The following SPEF2 variants were observed in gnomAD, a reference collection of about 807,000 sequenced individuals.
SPEF2 encodes the protein sperm flagella and cilia-associated protein 2.
A neutral mutation model predicts 224.6 loss-of-function variants in SPEF2; 187 were observed. The observed-to-expected ratio is 0.83, with a 90% CI of 0.74 to 0.94. The LOEUF (loss-of-function observed/expected upper bound fraction) is 0.94. SPEF2 is among the 40% of genes least tolerant of loss of function. SPEF2 has a pLI of 0.00. For missense variants in SPEF2, 2,170 were observed against 2,135.6 expected (o/e 1.02, Z -0.32); for synonymous variants, 715 against 707.3 (o/e 1.01, Z -0.17).
intron 21 of SPEF2, among the ~76,000 whole-genome samples, chr5:35,730,570 A>G (rs558361177): frequency 5.0e-4 from 76 of 152,374 alleles, no homozygotes; most frequent in African/African-American, 1.8e-3. Context: ...CTTTTGATCA[A>G]TTCTCTACTG....
chr5:35,758,548 G>A (rs940175271), intron 24 of SPEF2, among the ~76,000 whole-genome samples: 1 of 152,146 alleles, frequency 6.6e-6, no homozygotes, highest in Non-Finnish European at 1.5e-5. Context: ...GGGAATGACC[G>A]ATGCTCATCT....
At position 35,659,113 on chromosome 5, in the gene SPEF2, A is replaced by T. The variant is rs780486254; in HGVS notation, c.1073A>T (p.Glu358Val). 6.2e-7 allele frequency: 1 copy of T among 1,613,242 alleles called. No individual in the cohort carries two copies. Among genetic ancestry groups the T allele is most frequent in the South Asian group, 1.1e-5 (1 of 90,994 alleles). ...GTGCAGCTCATGCATGTTCGGCATG[A>T]AAAGGAAGTTTTATGGCAAAACAGA... Reference protein sequence around the residue: ...IAVQLMHVRHEKEVLWQNRIF... With the variant: ...IAVQLMHVRHVKEVLWQNRIF... Residue 358 changes from glutamate to valine, a missense_variant, in exon 8 of 37, where the codon GAA becomes GTA. By Grantham distance (121) the Glu-to-Val change is moderately radical (BLOSUM62 -2). Transcript: ENST00000356031.
In SPEF2 at chr5:35,775,305, A is replaced by C. The variant is rs78272921; in HGVS notation, c.4079-952A>C. Among the ~76,000 whole-genome samples the C allele has an allele frequency of 4.9e-3, 751 of 152,214 alleles. 3 individuals carry two copies. Among genetic ancestry groups the C allele is most frequent in the African/African-American group, 0.017 (723 of 41,546 alleles). ...GGTGGGCATATTGGGCAAAGGGGAC[A>C]TGAGGGGAGTTCCTGACTTACCAAC... On this transcript the variant is annotated intron_variant, in intron 28 of 36. Transcript: ENST00000356031.
chr5:35,776,510 C>A (rs922138486), intron 29 of SPEF2, 115 bp downstream of exon 29: 2 of 1,215,572 alleles, frequency 1.6e-6, no homozygotes, highest in African/African-American at 3.1e-5. Context: ...AAATTTTGGC[C>A]TTTTAGGAAA....
At chr5:35,799,156 C>T (rs1757078291) in intron 33 of SPEF2, among the ~76,000 whole-genome samples, 1 of 152,190 alleles carries the variant, frequency 6.6e-6, no homozygotes, top group South Asian at 2.1e-4. Flanking sequence ...GCACCATATA[C>T]TTAACCAGAA....
intron 36 of SPEF2, among the ~76,000 whole-genome samples, chr5:35,809,749 A>C (rs1758420620): frequency 6.6e-6 from 1 of 152,136 alleles, no homozygotes; most frequent in South Asian, 2.1e-4. Flanking sequence ...TATGATGTTA[A>C]TTTCTTCATC....
At chr5:35,624,103 G>T (rs747876291) in intron 1 of SPEF2, among the ~76,000 whole-genome samples, 4 of 152,164 alleles carry the variant, frequency 2.6e-5, no homozygotes, top group Admixed American at 6.5e-5. Flanking sequence ...GCTTCCTCCA[G>T]CTGGCTAAGG....
At chr5:35,667,015 C>T in intron 8 of SPEF2, 57 bp from the exon 9 acceptor site, 3 of 1,468,062 alleles carry the variant, frequency 2.0e-6, no homozygotes, top group Non-Finnish European at 2.7e-6. Context: ...GAAATGATGA[C>T]ATTATTTTTA....
intron 10 of SPEF2, among the ~76,000 whole-genome samples, chr5:35,678,293 T>C (rs574858630): frequency 6.6e-6 from 1 of 152,324 alleles, no homozygotes; most frequent in South Asian, 2.1e-4. Context: ...TTAACCATGA[T>C]ATAGTTCCAT....
chr5:35,662,759 G>C (rs1395692699), intron 8 of SPEF2, among the ~76,000 whole-genome samples: 1 of 151,982 alleles, frequency 6.6e-6, no homozygotes, highest in Non-Finnish European at 1.5e-5. Flanking sequence ...CTTATTTCTG[G>C]GTTCTCTATT....
chr5:35,671,050 G>T, intron 10 of SPEF2: 3 of 985,240 alleles, frequency 3.0e-6, no homozygotes, highest in Non-Finnish European at 3.6e-6. Flanking sequence ...ATTTTGAGTG[G>T]ATCAACAGCA....
At chr5:35,797,539 G>A (rs79142247) in intron 33 of SPEF2, among the ~76,000 whole-genome samples, 9,389 of 152,054 alleles carry the variant, frequency 0.062, 315 homozygotes, top group East Asian at 0.12. Flanking sequence ...ACCTCTCTGC[G>A]CCTTGCTTTC....
At chr5:35,807,590 T>G in intron 36 of SPEF2, 30 of 1,486,352 alleles carry the variant, frequency 2.0e-5, no homozygotes, top group Non-Finnish European at 2.6e-5. Flanking sequence ...ACCAAGACCA[T>G]GATCTCCAGC....
At chr5:35,718,590 T>C (rs568094100) in intron 20 of SPEF2, among the ~76,000 whole-genome samples, 31 of 152,274 alleles carry the variant, frequency 2.0e-4, no homozygotes, top group Admixed American at 2.0e-3. Flanking sequence ...CAAAGCACCT[T>C]GCACCCATGA....
intron 23 of SPEF2, among the ~76,000 whole-genome samples, chr5:35,752,987 A>G (rs1311675835): frequency 6.7e-6 from 1 of 149,970 alleles, no homozygotes; most frequent in Non-Finnish European, 1.5e-5. Flanking sequence ...ACTATAAATC[A>G]TCATACTCTA....
At chr5:35,714,680 T>TTTTTTTTTTTTATTTA (rs1554039989) in intron 20 of SPEF2, among the ~76,000 whole-genome samples, 2 of 134,524 alleles carry the variant, frequency 1.5e-5, no homozygotes, top group African/African-American at 5.5e-5. Context: ...TTGGGTTTAT[T>TTTTTTTTTTTTATTTA]TTTATTTATT....
chr5:35,701,432 C>A (rs7709682), intron 16 of SPEF2, among the ~76,000 whole-genome samples: 81,540 of 151,942 alleles, frequency 0.54, 22,305 homozygotes, highest in African/African-American at 0.56. Flanking sequence ...ATTAAATGAG[C>A]TCAGAGCTAC....
At position 35,759,699 on chromosome 5, in the gene SPEF2, C is replaced by G; in HGVS notation, c.3600C>G (p.Asp1200Glu). The change falls in exon 25 of 37, where the codon GAC (aspartate) becomes GAG (glutamate). Residue 1200 changes from aspartate (D) to glutamate (E), a missense_variant. Coordinates refer to ENST00000356031, the MANE Select transcript of SPEF2 (RefSeq NM_024867.4). ...CTTTGGTCCAACTGGATAGTAAAGA[C>G]AATTCTGAAAGCCAGCTTAGGTAAG... ...RIPLVQLDSK[D>E]NSESQLRIPL... is the part of the protein sequence containing the mutation. 1 of 1,592,286 alleles carries G rather than the reference C, an allele frequency of 6.3e-7. No individual in the cohort carries two copies. The highest frequency in any genetic ancestry group is 8.6e-7 in the Non-Finnish European group (1 of 1,165,084).
intron 10 of SPEF2, among the ~76,000 whole-genome samples, chr5:35,685,235 T>A (rs1753425433): frequency 6.6e-6 from 1 of 152,180 alleles, no homozygotes. Context: ...ATAACTACAT[T>A]ACACCAATTT....
Sources: allele counts gnomAD v4.1 joint callset (sites outside exome capture counted in the v4.1 genomes callset), GRCh38; gene constraint gnomAD v4.1.1; transcripts MANE v1.5; gene names NCBI Gene and HGNC (gene_info 2026-07-23, HGNC 2026-07-21).